DNAAF11: variants seen among roughly 807,000 people sequenced by gnomAD.
The protein encoded by DNAAF11 is dynein axonemal assembly factor 11, also known as leucine rich repeat containing 6.
A neutral mutation model predicts 60.8 loss-of-function variants in DNAAF11; 45 were observed. That is an observed-to-expected ratio of 0.74 (90% CI 0.58 to 0.95). DNAAF11 has a LOEUF of 0.95. DNAAF11 is among the 40% of genes least tolerant of loss of function. The pLI is 0.00. For synonymous variants in DNAAF11, 191 were observed against 183.5 expected (o/e 1.04, Z -0.33); for missense variants, 546 against 546.2 (o/e 1.00, Z 0.00).
chr8:132,681,167 C>T, the DNAAF11 span, among the ~76,000 whole-genome samples: 18 of 151,464 alleles, frequency 1.2e-4, no homozygotes, highest in East Asian at 1.4e-3. Context: ...TGCACGACCA[C>T]GCCTGGCTAA....
At chr8:132,592,007 A>G (rs1347879933) in intron 10 of DNAAF11, among the ~76,000 whole-genome samples, 4 of 152,218 alleles carry the variant, frequency 2.6e-5, no homozygotes, top group Non-Finnish European at 5.9e-5. Context: ...TTTAAAATCC[A>G]TATGAAATTT....
At chr8:132,603,631 G>A (rs1011031310) in intron 10 of DNAAF11, among the ~76,000 whole-genome samples, 2 of 151,972 alleles carry the variant, frequency 1.3e-5, no homozygotes, top group African/African-American at 4.8e-5. Context: ...ATGCCTAATT[G>A]GAGTTGATTT....
At chr8:132,694,154 G>A in the DNAAF11 span, among the ~76,000 whole-genome samples, 1 of 152,180 alleles carries the variant, frequency 6.6e-6, no homozygotes, top group Admixed American at 6.5e-5. Flanking sequence ...TTTTCAAGGT[G>A]GACCCAACTG....
At chr8:132,641,364 G>A (rs565039906) in intron 3 of DNAAF11, among the ~76,000 whole-genome samples, 1 of 152,222 alleles carries the variant, frequency 6.6e-6, no homozygotes, top group Admixed American at 6.5e-5. Flanking sequence ...CATACTTGAT[G>A]TTCTTCTTTT....
intron 7 of DNAAF11, among the ~76,000 whole-genome samples, chr8:132,620,279 T>C (rs1461805652): frequency 6.6e-6 from 1 of 151,980 alleles, no homozygotes; most frequent in Non-Finnish European, 1.5e-5. Flanking sequence ...GTGAGGATGA[T>C]GGAAAGAGAA....
intron 11 of DNAAF11, among the ~76,000 whole-genome samples, chr8:132,581,635 C>T (rs1026115380): frequency 6.7e-5 from 9 of 133,592 alleles, no homozygotes; most frequent in Non-Finnish European, 1.2e-4. Context: ...CTTGCCACTG[C>T]ACTTGACAAG....
chr8:132,648,623 C>A (rs935118164), intron 3 of DNAAF11, among the ~76,000 whole-genome samples: 3 of 152,150 alleles, frequency 2.0e-5, no homozygotes, highest in Non-Finnish European at 2.9e-5. Context: ...ATTGTCTCAG[C>A]CAAAAATCTC....
intron 1 of DNAAF11, among the ~76,000 whole-genome samples, chr8:132,672,904 G>A (rs1253219807): frequency 6.6e-6 from 1 of 152,090 alleles, no homozygotes; most frequent in Non-Finnish European, 1.5e-5. Flanking sequence ...AAAATGAACA[G>A]GTACACTAGA....
chr8:132,677,533 T>C (rs1488302980), upstream of DNAAF11, among the ~76,000 whole-genome samples: 1 of 152,134 alleles, frequency 6.6e-6, no homozygotes, highest in Non-Finnish European at 1.5e-5. Flanking sequence ...ACCCAGGTAT[T>C]TGACATGTTG....
chr8:132,627,054 A>T (rs554987821), intron 5 of DNAAF11, among the ~76,000 whole-genome samples: 1 of 152,344 alleles, frequency 6.6e-6, no homozygotes, highest in Non-Finnish European at 1.5e-5. Context: ...TATTTTAATA[A>T]GCAAAATAAT....
At chr8:132,671,654 G>A (rs1374463517) in intron 1 of DNAAF11, among the ~76,000 whole-genome samples, 1 of 152,186 alleles carries the variant, frequency 6.6e-6, no homozygotes, top group Non-Finnish European at 1.5e-5. Flanking sequence ...AATCAAGACA[G>A]TGTGAAATTG....
At chr8:132,691,434 T>A in the DNAAF11 span, among the ~76,000 whole-genome samples, 1 of 152,122 alleles carries the variant, frequency 6.6e-6, no homozygotes, top group Non-Finnish European at 1.5e-5. Context: ...AGTCCTAGAA[T>A]CAGTTATTCT....
chr8:132,689,605 GC>G, the DNAAF11 span, among the ~76,000 whole-genome samples: 2 of 151,650 alleles, frequency 1.3e-5, no homozygotes, highest in African/African-American at 2.4e-5. Flanking sequence ...TTTAAAATTT[GC>G]TTCTTTAAAA....
the DNAAF11 span, among the ~76,000 whole-genome samples, chr8:132,684,406 T>A: frequency 2.0e-5 from 3 of 152,222 alleles, no homozygotes; most frequent in Non-Finnish European, 4.4e-5. Flanking sequence ...TTGTCCAGAC[T>A]TTTTACTGGG....
At chr8:132,627,457 C>G (rs926131941) in intron 5 of DNAAF11, among the ~76,000 whole-genome samples, 2 of 152,184 alleles carry the variant, frequency 1.3e-5, no homozygotes, top group Non-Finnish European at 2.9e-5. Flanking sequence ...TTCAAACCTG[C>G]TCTCTCAGAA....
chr8:132,583,516 G>A lies in DNAAF11; in HGVS notation c.1226+178C>T, dbSNP rs1040513235. ...TGTATATACACAGATTTGATTTTAG[G>A]GATGAGGAGCCCTACAAAGCAAGAG... is the stretch of plus-strand genomic sequence containing the variant. On this transcript the variant is annotated intron_variant, in intron 11 of 11. Transcript: ENST00000620350. 2.6e-5 allele frequency among the ~76,000 whole-genome samples: 4 copies of A among 152,192 alleles called. 1 individual carries two copies. Among genetic ancestry groups the A allele is most frequent in the African/African-American group, 9.6e-5 (4 of 41,530 alleles).
intron 4 of DNAAF11, 92 bp from the exon 5 acceptor site, chr8:132,633,055 C>A (rs2130462606): frequency 1.4e-6 from 1 of 703,960 alleles, no homozygotes; most frequent in Non-Finnish European, 2.4e-6. Flanking sequence ...AATAATATAC[C>A]CGATAGTGAT....
the DNAAF11 span, chr8:132,687,526 A>G: frequency 6.7e-6 from 3 of 446,256 alleles, no homozygotes; most frequent in Non-Finnish European, 4.5e-6. Context: ...CGCTTCAGAC[A>G]GACAGCTGTA....
intron 1 of DNAAF11, among the ~76,000 whole-genome samples, chr8:132,670,996 T>C (rs906553458): frequency 6.6e-6 from 1 of 152,066 alleles, no homozygotes; most frequent in Non-Finnish European, 1.5e-5. Flanking sequence ...ATCAACATTA[T>C]ATCGAGCAGA....
Sources: gnomAD v4.1 joint callset for allele counts (sites outside exome capture counted in the v4.1 genomes callset) on GRCh38, gnomAD v4.1.1 for gene constraint, MANE v1.5 for transcripts, NCBI Gene and HGNC (gene_info 2026-07-23, HGNC 2026-07-21) for gene names.